PCDHGA1: variants seen among roughly 807,000 people sequenced by gnomAD.
PCDHGA1 encodes protocadherin gamma subfamily A, 1.
PCDHGA1 carries 32 observed loss-of-function variants against 58.0 expected under a neutral mutation model. That is an observed-to-expected ratio of 0.55 (90% CI 0.42 to 0.74). The LOEUF is 0.74. PCDHGA1 is among the 30% of genes least tolerant of loss of function. The pLI is 0.00. For synonymous variants in PCDHGA1, 498 were observed against 501.1 expected, an observed-to-expected ratio of 0.99 and a Z score of 0.08; for missense variants, 1,205 against 1,182.3, an observed-to-expected ratio of 1.02 and a Z score of -0.28.
chr5:141,382,880 G>A, intron 1 of PCDHGA1: 1 of 1,526,962 alleles, frequency 6.5e-7, no homozygotes, highest in Non-Finnish European at 8.8e-7. Context: ...CGGCGCCTAA[G>A]CAAGAGAAGC....
In PCDHGA1 at chr5:141,374,203, G is replaced by T. The variant is rs375029709; in HGVS notation, c.2421+41098G>T. On this transcript the variant is annotated intron_variant, in intron 1 of 3. Transcript: ENST00000517417. ...GCTACTCTATTCCCGAGGAGCTGGA[G>T]AAAGGCTCCTTCGTAGGCAACATCG... 4.3e-6 allele frequency: 7 copies of T among 1,613,808 alleles called. No homozygotes were observed. The East Asian group carries it at 1.1e-4, about 26-fold the overall frequency.
chr5:141,384,493 G>A lies in PCDHGA1; in HGVS notation c.2421+51388G>A, dbSNP rs370485526. The A allele has an allele frequency of 6.2e-7, 1 of 1,614,056 alleles. No individual in the cohort carries two copies. The highest frequency in any genetic ancestry group is 1.3e-5 in the African/African-American group (1 of 74,948). ...GCAGTTGAGAGAACTACAACTAAGA[G>A]TGACTGCACATGACAGCGGGGACCC... On this transcript the variant is annotated intron_variant, in intron 1 of 3. Coordinates refer to ENST00000517417, the MANE Select transcript of PCDHGA1 (RefSeq NM_018912.3).
rs903741318 is a variant in PCDHGA1, at chr5:141,454,939, C to G, written c.2422-39868C>G. On this transcript the variant is annotated intron_variant, in intron 1 of 3. Coordinates refer to ENST00000517417, the MANE Select transcript of PCDHGA1 (RefSeq NM_018912.3). ...TCTCCTGCCTCAGCCTCCCGAGTAG[C>G]TGGGACTACAGGCGCCGGCCACCAC... 6.0e-5 allele frequency among the ~76,000 whole-genome samples: 9 copies of G among 150,982 alleles called. No homozygotes were observed. The East Asian group carries it at 1.8e-3, about 30-fold the overall frequency.
At chr5:141,367,766 A>T (rs1166226365) in intron 1 of PCDHGA1, 4 of 152,176 alleles carry the variant, frequency 2.6e-5, no homozygotes, top group Admixed American at 2.0e-4. Context: ...TGCACTCAAT[A>T]AATGTAAATA....
intron 1 of PCDHGA1, among the ~76,000 whole-genome samples, chr5:141,445,320 A>G (rs1462989860): frequency 1.3e-5 from 2 of 152,188 alleles, no homozygotes; most frequent in Non-Finnish European, 2.9e-5. Flanking sequence ...GGTTGAGAGA[A>G]CCCATCCAGA....
At position 141,477,966 on chromosome 5, in the gene PCDHGA1, G is replaced by T; in HGVS notation, c.2422-16841G>T. 1 of 1,614,118 alleles carries T rather than the reference G, an allele frequency of 6.2e-7. No individual in the cohort carries two copies. The highest frequency in any genetic ancestry group is 8.5e-7 in the Non-Finnish European group (1 of 1,180,036). On this transcript the variant is annotated intron_variant, in intron 1 of 3. Coordinates refer to ENST00000517417, the MANE Select transcript of PCDHGA1 (RefSeq NM_018912.3). This position sits in a 1 kb window ranked among gnomAD's most constrained non-coding sequence, Gnocchi z 4.9. ...AGTCTCTTGGGATCCCCTAACCAGA[G>T]CCTTTTTGCCATAGGGCTGCACACT...
In PCDHGA1 at chr5:141,491,534, G is replaced by A. The variant is rs376996144; in HGVS notation, c.2422-3273G>A. On this transcript the variant is annotated intron_variant, in intron 1 of 3. Coordinates refer to ENST00000517417, the MANE Select transcript of PCDHGA1 (RefSeq NM_018912.3). This position sits in a 1 kb window ranked among gnomAD's most constrained non-coding sequence, Gnocchi z 6.9. The stretch of plus-strand genomic sequence containing the variant: ...CTCAAGTACATGGAGGTGACGCTGC[G>A]GCCCACAGACTCGCAGAGCCACTGC... The A allele has an allele frequency of 6.2e-7, 1 of 1,614,030 alleles. No homozygotes were observed. The highest frequency in any genetic ancestry group is 8.5e-7 in the Non-Finnish European group (1 of 1,180,028).
intron 1 of PCDHGA1, among the ~76,000 whole-genome samples, chr5:141,442,945 C>G (rs1000311671): frequency 1.8e-4 from 28 of 152,150 alleles, no homozygotes; most frequent in African/African-American, 6.3e-4. Context: ...GAAACTTCCT[C>G]TCACTGCAAA....
chr5:141,484,603 G>T (rs1460433183), intron 1 of PCDHGA1, among the ~76,000 whole-genome samples: 1 of 152,008 alleles, frequency 6.6e-6, no homozygotes, highest in Non-Finnish European at 1.5e-5. Context: ...TAGAATACTG[G>T]TTGATGACAA....
intron 1 of PCDHGA1, chr5:141,374,357 C>A: frequency 6.2e-7 from 1 of 1,614,018 alleles, no homozygotes; most frequent in Non-Finnish European, 8.5e-7. Flanking sequence ...TAGGATAGAC[C>A]GCGAGGAGCT....
chr5:141,494,037 T>C (rs2099751443), intron 1 of PCDHGA1, among the ~76,000 whole-genome samples: 1 of 152,146 alleles, frequency 6.6e-6, no homozygotes, highest in South Asian at 2.1e-4. Context: ...GAGACTTAGT[T>C]GGCCCTGCTT....
Position 141,511,380 on chromosome 5 carries a change from C to G in PCDHGA1, c.*207C>G. The G allele has an allele frequency of 7.7e-6, 9 of 1,170,490 alleles. No individual in the cohort carries two copies. The highest frequency in any genetic ancestry group is 1.1e-5 in the Non-Finnish European group (9 of 854,564). 72.5% of individuals were successfully genotyped at this position (1,170,490 alleles called of 1,614,324 possible). A position where few individuals can be genotyped will look rare whatever the true frequency, so the allele number is the denominator to read the frequency against. On this transcript the variant is annotated 3_prime_UTR_variant, in exon 4 of 4. Transcript: ENST00000517417. ...GGGGTTGAATATGCAAAAGCAGTTC[C>G]GCTGGGAACCCCCATCCAATCAACT...
At chr5:141,362,623 C>T in intron 1 of PCDHGA1, 1 of 1,521,620 alleles carries the variant, frequency 6.6e-7, no homozygotes, top group Non-Finnish European at 8.8e-7. Flanking sequence ...TAGGAAGTTC[C>T]ACTGCGTATT....
intron 1 of PCDHGA1, among the ~76,000 whole-genome samples, chr5:141,455,130 A>G (rs1446894125): frequency 6.6e-6 from 1 of 150,872 alleles, no homozygotes; most frequent in South Asian, 2.1e-4. Flanking sequence ...GTTTTAAATT[A>G]CACTGTGTTA....
chr5:141,357,690 TTTTA>T, intron 1 of PCDHGA1: 1 of 1,558,960 alleles, frequency 6.4e-7, no homozygotes, highest in Non-Finnish European at 8.7e-7. Flanking sequence ...ATGTCTCTCA[TTTTA>T]TATGTAATAT....
At chr5:141,488,438 C>T (rs2099675393) in intron 1 of PCDHGA1, among the ~76,000 whole-genome samples, 1 of 152,146 alleles carries the variant, frequency 6.6e-6, no homozygotes, top group African/African-American at 2.4e-5. Flanking sequence ...CTCTGACCAC[C>T]CTCCTGGGTG....
intron 1 of PCDHGA1, chr5:141,343,301 T>C: frequency 3.1e-6 from 3 of 971,160 alleles, no homozygotes; most frequent in Non-Finnish European, 3.7e-6. Flanking sequence ...TGTATAAATA[T>C]GGCTGATTTC....
In PCDHGA1 at chr5:141,476,065, G is replaced by T; in HGVS notation, c.2422-18742G>T. ...GCTAACCCGCTGAAAGTTTCTCAGC[G>T]AAATCTCAGGGACGATCTGGACCCC... is the stretch of plus-strand genomic sequence containing the variant. On this transcript the variant is annotated intron_variant, in intron 1 of 3. Coordinates refer to ENST00000517417, the MANE Select transcript of PCDHGA1 (RefSeq NM_018912.3). This position sits in a 1 kb window ranked among gnomAD's most constrained non-coding sequence, Gnocchi z 7.6. 6.6e-7 allele frequency: 1 copy of T among 1,511,444 alleles called. No homozygotes were observed. The highest frequency in any genetic ancestry group is 1.3e-5 in the South Asian group (1 of 76,164). The allele number at this position is 1,511,444 out of a possible 1,614,324, so 93.6% of individuals were successfully genotyped here.
rs755429700 is a variant in PCDHGA1, at chr5:141,375,609, C to G, written c.2421+42504C>G. ...CTGTCCTCCTACGTGTCCATCAACT[C>G]CGACACTGGGATTCTGTACGCCCTG... On this transcript the variant is annotated intron_variant, in intron 1 of 3. Coordinates refer to ENST00000517417, the MANE Select transcript of PCDHGA1 (RefSeq NM_018912.3). 9.9e-6 allele frequency: 16 copies of G among 1,614,108 alleles called. No homozygotes were observed. The African/African-American group carries it at 2.1e-4, about 22-fold the overall frequency.
Sources: allele counts gnomAD v4.1 joint callset (sites outside exome capture counted in the v4.1 genomes callset), GRCh38; gene constraint gnomAD v4.1.1; non-coding constraint Gnocchi (gnomAD v3.1); transcripts MANE v1.5; gene names NCBI Gene and HGNC (gene_info 2026-07-23, HGNC 2026-07-21).